ACAT1: variants seen among roughly 807,000 people sequenced by gnomAD.
ACAT1 encodes acetyl-CoA acetyltransferase, mitochondrial.
Under a neutral mutation model 47.3 loss-of-function variants are expected in ACAT1, and 28 were observed. The ratio of observed to expected loss-of-function variants is 0.59; its 90% confidence interval spans 0.44 to 0.81. ACAT1 has a LOEUF of 0.81. Ranked by LOEUF, ACAT1 falls within the 30% of genes least tolerant of loss-of-function variation. ACAT1 has a pLI of 0.00. For missense variants in ACAT1, 469 were observed against 524.3 expected (o/e 0.89, Z 1.03); for synonymous variants, 181 against 173.6 (o/e 1.04, Z -0.34).
chr11:108,121,910 C>T (rs2077157571), intron 1 of ACAT1: 3 of 586,220 alleles, frequency 5.1e-6, no homozygotes, highest in South Asian at 4.0e-5. Context: ...GCGTAATCAT[C>T]TTAATGAGCG....
At chr11:108,145,882 C>T (rs1216861098) in intron 10 of ACAT1, among the ~76,000 whole-genome samples, 2 of 152,068 alleles carry the variant, frequency 1.3e-5, no homozygotes, top group Non-Finnish European at 2.9e-5. Context: ...CCTGTCTCTA[C>T]TAAAAATACA....
intron 11 of ACAT1, 140 bp downstream of exon 11, chr11:108,146,499 G>GAA: frequency 1.2e-6 from 1 of 856,012 alleles, no homozygotes; most frequent in Non-Finnish European, 1.9e-6. Flanking sequence ...ATTTCTGATA[G>GAA]ATGGTATCCA....
chr11:108,146,925 CGA>C (rs2077725457), intron 11 of ACAT1, among the ~76,000 whole-genome samples: 1 of 152,162 alleles, frequency 6.6e-6, no homozygotes, highest in African/African-American at 2.4e-5. Context: ...ACTAAAAATA[CGA>C]AAATTAGCTG....
intron 8 of ACAT1, among the ~76,000 whole-genome samples, chr11:108,141,949 A>G (rs1356007997): frequency 6.6e-6 from 1 of 152,168 alleles, no homozygotes; most frequent in East Asian, 1.9e-4. Flanking sequence ...TAGGGTCTTC[A>G]TTGGCATTGA....
At position 108,141,651 on chromosome 11, in the gene ACAT1, T is replaced by C. The variant is rs2134768842; in HGVS notation, c.777T>C (p.Val259=). 6.2e-7 allele frequency: 1 copy of C among 1,613,690 alleles called. No homozygotes were observed. Among genetic ancestry groups the C allele is most frequent in the South Asian group, 1.1e-5 (1 of 91,076 alleles). The change falls in exon 8 of 12, where the codon GTT becomes GTC. Residue 259 remains valine (V), a synonymous_variant. Transcript: ENST00000265838. ...VVKEDEEYKR[V]DFSKVPKLKT... ...AAGAAGATGAAGAATATAAACGTGT[T>C]GATTTTAGCAAAGTTCCAAAGCTGA...
intron 1 of ACAT1, among the ~76,000 whole-genome samples, chr11:108,123,557 G>A (rs2135291243): frequency 6.6e-6 from 1 of 152,072 alleles, no homozygotes; most frequent in East Asian, 1.9e-4. Context: ...TCTCTCTCTG[G>A]TCAAAGGAGT....
intron 7 of ACAT1, among the ~76,000 whole-genome samples, chr11:108,141,100 C>T (rs1197898753): frequency 2.6e-5 from 4 of 151,994 alleles, no homozygotes; most frequent in East Asian, 1.9e-4. Context: ...TAGCAGCACA[C>T]GCCTGTAGTC....
chr11:108,130,524 G>C (rs1053719255), intron 1 of ACAT1, among the ~76,000 whole-genome samples: 2 of 151,628 alleles, frequency 1.3e-5, no homozygotes, highest in African/African-American at 2.4e-5. Context: ...CTCCTGAGTA[G>C]CTGGGCTTAC....
At chr11:108,146,853 G>A (rs1303531318) in intron 11 of ACAT1, among the ~76,000 whole-genome samples, 1 of 152,218 alleles carries the variant, frequency 6.6e-6, no homozygotes. Flanking sequence ...AGGCTGAGGT[G>A]AACAGATCAC....
At chr11:108,132,941 T>C (rs887846519) in intron 2 of ACAT1, among the ~76,000 whole-genome samples, 17 of 151,286 alleles carry the variant, frequency 1.1e-4, no homozygotes, top group African/African-American at 4.1e-4. Flanking sequence ...TCCCAGCACT[T>C]TGGGAGGCCA....
chr11:108,133,795 T>C (rs563829181), intron 2 of ACAT1, 25 bp from the exon 3 acceptor site: 2 of 1,568,756 alleles, frequency 1.3e-6, no homozygotes, highest in African/African-American at 2.7e-5. Flanking sequence ...ATACCTATAA[T>C]TTTTACCATC....
chr11:108,138,247 A>C, intron 5 of ACAT1, among the ~76,000 whole-genome samples: 1 of 151,876 alleles, frequency 6.6e-6, no homozygotes, highest in Admixed American at 6.6e-5. Context: ...GGCCTCCCAG[A>C]GTGCTGGGAT....
At chr11:108,132,939 C>T in intron 2 of ACAT1, among the ~76,000 whole-genome samples, 1 of 149,180 alleles carries the variant, frequency 6.7e-6, no homozygotes, top group Non-Finnish European at 1.5e-5. Flanking sequence ...GATCCCAGCA[C>T]TTTGGGAGGC....
intron 1 of ACAT1, among the ~76,000 whole-genome samples, chr11:108,124,926 C>CT (rs1431376868): frequency 6.6e-6 from 1 of 152,160 alleles, no homozygotes; most frequent in Non-Finnish European, 1.5e-5. Context: ...GCTAGAAGGC[C>CT]TTTTTTGACT....
intron 9 of ACAT1, 75 bp from the exon 10 acceptor site, chr11:108,143,908 A>G: frequency 6.4e-7 from 1 of 1,558,224 alleles, no homozygotes; most frequent in Non-Finnish European, 8.8e-7. Flanking sequence ...TAATGGGCTA[A>G]ACTTGGCTTG....
chr11:108,117,665 A>G (rs1864979379), upstream of ACAT1, among the ~76,000 whole-genome samples: 1 of 152,210 alleles, frequency 6.6e-6, no homozygotes, highest in Admixed American at 6.5e-5. Context: ...TTAACGTAGT[A>G]CAACGAGTTA....
chr11:108,134,015 G>T, intron 3 of ACAT1, 78 bp downstream of exon 3: 1 of 1,348,772 alleles, frequency 7.4e-7, no homozygotes, highest in South Asian at 1.2e-5. Flanking sequence ...CATTAACTAT[G>T]TATGTAACAC....
intron 11 of ACAT1, 56 bp downstream of exon 11, chr11:108,146,415 A>AAACTT: frequency 3.8e-6 from 6 of 1,580,294 alleles, no homozygotes; most frequent in Non-Finnish European, 5.2e-6. Context: ...GTTTCTAGCT[A>AAACTT]AACTTAAAAC....
chr11:108,143,834 T>G, intron 9 of ACAT1, 149 bp from the exon 10 acceptor site: 1 of 546,242 alleles, frequency 1.8e-6, no homozygotes, highest in South Asian at 2.3e-5. Context: ...TTTTATAAAG[T>G]GTAGAATCCT....
Sources: allele counts gnomAD v4.1 joint callset (sites outside exome capture counted in the v4.1 genomes callset), GRCh38; gene constraint gnomAD v4.1.1; transcripts MANE v1.5; gene names NCBI Gene and HGNC (gene_info 2026-07-23, HGNC 2026-07-21).